The following CASTOR2 variants were observed in gnomAD, a reference collection of about 807,000 sequenced individuals.
The protein encoded by CASTOR2 is GATS protein like 2.
Under a neutral mutation model 31.2 loss-of-function variants are expected in CASTOR2, and 8 were observed. That is an observed-to-expected ratio of 0.26 (90% CI 0.15 to 0.46). The LOEUF (loss-of-function observed/expected upper bound fraction) is 0.46. CASTOR2 is among the 20% of genes least tolerant of loss of function. The pLI is 0.99. For synonymous variants in CASTOR2, 162 were observed against 158.7 expected, an observed-to-expected ratio of 1.02 and a Z score of -0.16; for missense variants, 216 against 382.1, an observed-to-expected ratio of 0.57 and a Z score of 3.62.
At position 75,025,943 on chromosome 7, in the gene CASTOR2, A is replaced by C. The variant is rs1471919212; in HGVS notation, c.*1244A>C. 1.3e-5 allele frequency among the ~76,000 whole-genome samples: 2 copies of C among 152,096 alleles called. No homozygotes were observed. The highest frequency in any genetic ancestry group is 2.9e-5 in the Non-Finnish European group (2 of 68,030). On this transcript the variant is annotated 3_prime_UTR_variant, in exon 9 of 9. Transcript: ENST00000616305. ...TTCTGAAGGGAAGCTAGGAGCAGAG[A>C]TCTGTTACAAGACGCTGGAGCCGCT...
rs1410927722 is a variant in CASTOR2 at position 75,005,028 on chromosome 7, G to T, written c.114-2966G>T. On this transcript the variant is annotated intron_variant, in intron 1 of 8. Coordinates refer to ENST00000616305, the MANE Select transcript of CASTOR2 (RefSeq NM_001145064.3). ...TTACAGGTGCCCACTGCCACGCCTG[G>T]CTAATTTTTGCATTTTTTTGTAGAG... is the stretch of plus-strand genomic sequence containing the variant. Among the ~76,000 whole-genome samples, 6 of 151,544 alleles carry T rather than the reference G, an allele frequency of 4.0e-5. No homozygotes were observed. The East Asian group carries it at 1.2e-3, about 30-fold the overall frequency.
At chr7:74,990,147 G>A (rs1307181726) in intron 1 of CASTOR2, among the ~76,000 whole-genome samples, 1 of 152,006 alleles carries the variant, frequency 6.6e-6, no homozygotes, top group Non-Finnish European at 1.5e-5. Context: ...CCAGCACTTT[G>A]GGAGGCCGAG....
At chr7:74,995,842 G>A (rs1468743452) in intron 1 of CASTOR2, among the ~76,000 whole-genome samples, 1 of 151,904 alleles carries the variant, frequency 6.6e-6, no homozygotes, top group Non-Finnish European at 1.5e-5. Flanking sequence ...AGGCATGGTG[G>A]TGTGCACCTG....
intron 1 of CASTOR2, among the ~76,000 whole-genome samples, chr7:74,995,511 G>GAAAA (rs1335114046): frequency 6.8e-5 from 6 of 88,470 alleles, no homozygotes; most frequent in South Asian, 4.0e-4. Flanking sequence ...ACAAAAAAAT[G>GAAAA]AAAAAAAAAA....
chr7:75,016,165 T>A (rs1270834854), intron 2 of CASTOR2, among the ~76,000 whole-genome samples: 2 of 152,186 alleles, frequency 1.3e-5, no homozygotes, highest in Non-Finnish European at 2.9e-5. Context: ...GGTGGGTTTA[T>A]GCAGGTGCCT....
chr7:74,990,990 G>C (rs1471377963), intron 1 of CASTOR2, among the ~76,000 whole-genome samples: 202 of 150,450 alleles, frequency 1.3e-3, no homozygotes, highest in Non-Finnish European at 2.3e-3. Context: ...GGAGGATCAC[G>C]TAAGCCCAGG....
In CASTOR2 at chr7:75,026,263, C is replaced by T. The variant is rs1238170678; in HGVS notation, c.*1564C>T. 4.1e-5 allele frequency among the ~76,000 whole-genome samples: 6 copies of T among 147,968 alleles called. No individual in the cohort carries two copies. The highest frequency in any genetic ancestry group is 7.4e-5 in the Non-Finnish European group (5 of 67,368). On this transcript the variant is annotated 3_prime_UTR_variant, in exon 9 of 9. Coordinates refer to ENST00000616305, the MANE Select transcript of CASTOR2 (RefSeq NM_001145064.3). Reference sequence around the variant, plus strand: ...GGAATGCAGTGGCACGATCTTGGCTCACTACACCCTCCTCCTCCCAGGTTC... The same window carrying T: ...GGAATGCAGTGGCACGATCTTGGCTTACTACACCCTCCTCCTCCCAGGTTC...
intron 1 of CASTOR2, among the ~76,000 whole-genome samples, chr7:74,986,740 T>C (rs1237323631): frequency 6.6e-6 from 1 of 152,134 alleles, no homozygotes; most frequent in East Asian, 1.9e-4. Context: ...ATGTCTGGAA[T>C]ATCCCATGAA....
chr7:75,005,696 T>C (rs1251368512), intron 1 of CASTOR2, among the ~76,000 whole-genome samples: 1 of 152,230 alleles, frequency 6.6e-6, no homozygotes, highest in Non-Finnish European at 1.5e-5. Context: ...CTGAACTTTA[T>C]AAGAAATTGC....
At chr7:75,006,514 C>G (rs1804608954) in intron 1 of CASTOR2, among the ~76,000 whole-genome samples, 2 of 152,192 alleles carry the variant, frequency 1.3e-5, no homozygotes, top group African/African-American at 2.4e-5. Flanking sequence ...ACCCCCATCC[C>G]CTGCAACACT....
At chr7:75,006,609 C>T (rs1197776419) in intron 1 of CASTOR2, among the ~76,000 whole-genome samples, 6 of 152,036 alleles carry the variant, frequency 3.9e-5, no homozygotes, top group Non-Finnish European at 8.8e-5. Context: ...TGGCTGTGTC[C>T]CACCCAAATC....
At chr7:75,011,205 G>C (rs1416774336) in intron 2 of CASTOR2, among the ~76,000 whole-genome samples, 2 of 150,442 alleles carry the variant, frequency 1.3e-5, no homozygotes, top group Non-Finnish European at 3.0e-5. Flanking sequence ...GAGGCAGGCA[G>C]ATCACCTGAG....
intron 2 of CASTOR2, among the ~76,000 whole-genome samples, chr7:75,011,983 A>G (rs1192796772): frequency 1.3e-5 from 2 of 152,040 alleles, no homozygotes; most frequent in African/African-American, 4.8e-5. Flanking sequence ...AAGAAAAAAA[A>G]AAAACAAGAG....
Position 75,026,095 on chromosome 7 carries a change from A to G in CASTOR2, c.*1396A>G, listed in dbSNP as rs1402647759. Reference sequence around the variant, plus strand: ...GCAGGCCAGCTGAGTGGTCATGTCCAGGAGGCATGGGGTTAGCCGTGGTGT... The same window carrying G: ...GCAGGCCAGCTGAGTGGTCATGTCCGGGAGGCATGGGGTTAGCCGTGGTGT... On this transcript the variant is annotated 3_prime_UTR_variant, in exon 9 of 9. Coordinates refer to ENST00000616305, the MANE Select transcript of CASTOR2 (RefSeq NM_001145064.3). 6.6e-6 allele frequency among the ~76,000 whole-genome samples: 1 copy of G among 151,902 alleles called. No homozygotes were observed. The highest frequency in any genetic ancestry group is 1.5e-5 in the Non-Finnish European group (1 of 68,000).
At chr7:75,018,838 G>A (rs1804926869) in intron 4 of CASTOR2, 134 bp from the exon 5 acceptor site, 1 of 1,411,802 alleles carries the variant, frequency 7.1e-7, no homozygotes, top group African/African-American at 1.4e-5. Flanking sequence ...GGTAGAGGCT[G>A]GAGAAGCAGC....
At position 74,964,753 on chromosome 7, in the gene CASTOR2, C is replaced by T. The variant is rs1175859599; in HGVS notation, c.-233C>T. 2 of 86,378 alleles carry T rather than the reference C, an allele frequency of 2.3e-5. No homozygotes were observed. Among genetic ancestry groups the T allele is most frequent in the Admixed American group, 1.3e-4 (1 of 7,996 alleles). The allele number at this position is 86,378 out of a possible 1,614,324, so 5.4% of individuals were successfully genotyped here. On this transcript the variant is annotated 5_prime_UTR_variant, in exon 1 of 9. Coordinates refer to ENST00000616305, the MANE Select transcript of CASTOR2 (RefSeq NM_001145064.3). ...GCGCGCCGCTGCTCCGCCGCTCGGC[C>T]CCTCGGCTGCTGCTCCGCCGGCGCT...
intron 2 of CASTOR2, among the ~76,000 whole-genome samples, chr7:75,015,730 C>G (rs1261191334): frequency 1.4e-5 from 2 of 142,900 alleles, no homozygotes; most frequent in Non-Finnish European, 3.2e-5. Context: ...CTGAGCCTTC[C>G]AGGTCCAGGG....
In CASTOR2 at chr7:75,031,291, C is replaced by T. The variant is rs1014411568; in HGVS notation, c.*6592C>T. The stretch of plus-strand genomic sequence containing the variant: ...CCCCTCCAACCCTCACCTGGCGTGC[C>T]CGGGTCACCAGCAGCAGCAGCGGCG... On this transcript the variant is annotated 3_prime_UTR_variant, in exon 9 of 9. Transcript: ENST00000616305. Among the ~76,000 whole-genome samples, 15 of 152,224 alleles carry T rather than the reference C, an allele frequency of 9.9e-5. No individual in the cohort carries two copies. The highest frequency in any genetic ancestry group is 3.1e-4 in the African/African-American group (13 of 41,550).
rs909399077 is a variant in CASTOR2 at position 75,030,204 on chromosome 7, T to C, written c.*5505T>C. ...GAGTGGGGGTGCAGGCCTAGGTGTG[T>C]TTATGCACACGTTTGTGCATGTACC... On this transcript the variant is annotated 3_prime_UTR_variant, in exon 9 of 9. Coordinates refer to ENST00000616305, the MANE Select transcript of CASTOR2 (RefSeq NM_001145064.3). Among the ~76,000 whole-genome samples, 1 of 152,220 alleles carries C rather than the reference T, an allele frequency of 6.6e-6. No individual in the cohort carries two copies. The highest frequency in any genetic ancestry group is 6.5e-5 in the Admixed American group (1 of 15,282).
Sources: gnomAD v4.1 joint callset for allele counts (sites outside exome capture counted in the v4.1 genomes callset) on GRCh38, gnomAD v4.1.1 for gene constraint, MANE v1.5 for transcripts, NCBI Gene and HGNC (gene_info 2026-07-23, HGNC 2026-07-21) for gene names.